Variants in ADAMTS17 observed in about 807,000 individuals in gnomAD.
ADAMTS17 encodes the protein A disintegrin and metalloproteinase with thrombospondin motifs 17.
In ADAMTS17, 113 loss-of-function variants were observed where a neutral mutation model predicts 141.5. The observed-to-expected ratio is 0.80, with a 90% CI of 0.69 to 0.93. The LOEUF is 0.93. Ranked by LOEUF, ADAMTS17 falls within the 40% of genes least tolerant of loss-of-function variation. The pLI is 0.00. For missense variants in ADAMTS17, 1,659 were observed against 1,517.9 expected (o/e 1.09, Z -1.54); for synonymous variants, 768 against 630.6 (o/e 1.22, Z -3.27).
chr15:100,288,444 A>G (rs568548281), intron 3 of ADAMTS17, among the ~76,000 whole-genome samples: 1 of 152,338 alleles, frequency 6.6e-6, no homozygotes, highest in South Asian at 2.1e-4. Context: ...TACTGACAGT[A>G]TTACATAGAT....
intron 12 of ADAMTS17, 38 bp from the exon 13 acceptor site, chr15:100,117,051 G>A (rs754353635): frequency 1.3e-6 from 2 of 1,565,408 alleles, no homozygotes; most frequent in African/African-American, 1.4e-5. Flanking sequence ...ACCAGGTGGT[G>A]CGACCAAAGG....
chr15:100,054,092 G>A, intron 15 of ADAMTS17, 38 bp from the exon 16 acceptor site: 1 of 1,613,296 alleles, frequency 6.2e-7, no homozygotes, highest in South Asian at 1.1e-5. Flanking sequence ...TCAAGGGGCT[G>A]GGGGTAGGGG....
chr15:100,306,571 T>C (rs778775049), intron 3 of ADAMTS17: 11 of 455,930 alleles, frequency 2.4e-5, no homozygotes, highest in Non-Finnish European at 4.0e-5. Context: ...GCCCAGACAC[T>C]GTGGAACTGA....
chr15:99,981,558 G>A (rs2060482373), intron 20 of ADAMTS17, among the ~76,000 whole-genome samples: 1 of 152,224 alleles, frequency 6.6e-6, no homozygotes, highest in East Asian at 1.9e-4. Flanking sequence ...TAACTGCCTG[G>A]AGCTGTGTCT....
intron 3 of ADAMTS17, among the ~76,000 whole-genome samples, chr15:100,300,001 A>G (rs1043485102): frequency 1.3e-5 from 2 of 152,224 alleles, no homozygotes; most frequent in African/African-American, 4.8e-5. Context: ...TAAGTTAATG[A>G]CAGAATGAAG....
intron 8 of ADAMTS17, among the ~76,000 whole-genome samples, chr15:100,183,305 G>A (rs1297640948): frequency 2.6e-5 from 4 of 152,130 alleles, no homozygotes; most frequent in African/African-American, 9.7e-5. Flanking sequence ...CCTGATACAA[G>A]CTTATATCTT....
At chr15:100,310,570 C>T (rs1307412412) in intron 3 of ADAMTS17, among the ~76,000 whole-genome samples, 1 of 152,200 alleles carries the variant, frequency 6.6e-6, no homozygotes, top group Non-Finnish European at 1.5e-5. Context: ...GCACAGGGTG[C>T]AGTGTGGACA....
At chr15:100,016,219 T>C (rs1181212654) in intron 18 of ADAMTS17, among the ~76,000 whole-genome samples, 2 of 152,234 alleles carry the variant, frequency 1.3e-5, no homozygotes, top group African/African-American at 4.8e-5. Flanking sequence ...GTTTTGATTG[T>C]TTTTTCTTTA....
Position 100,184,811 on chromosome 15 carries a change from T to C in ADAMTS17, c.1181+14507A>G, listed in dbSNP as rs141268026. Among the ~76,000 whole-genome samples, 383 of 152,108 alleles carry C rather than the reference T, an allele frequency of 2.5e-3. 1 individual carries two copies. Among genetic ancestry groups the C allele is most frequent in the Non-Finnish European group, 4.7e-3 (323 of 68,020 alleles). ...TAGCCCCCTGTCACAGCCCCTCTCT[T>C]CTGGGGGCCCTTCCAGAGCTCTGGG... On this transcript the variant is annotated intron_variant, in intron 8 of 21. Transcript: ENST00000268070.
At chr15:100,205,115 A>G (rs927628833) in intron 7 of ADAMTS17, among the ~76,000 whole-genome samples, 2 of 152,126 alleles carry the variant, frequency 1.3e-5, no homozygotes, top group African/African-American at 4.8e-5. Flanking sequence ...TAGGACACAG[A>G]TGTCCTTGGC....
chr15:100,297,722 T>A (rs1284514883), intron 3 of ADAMTS17, among the ~76,000 whole-genome samples: 1 of 152,110 alleles, frequency 6.6e-6, no homozygotes, highest in East Asian at 1.9e-4. Flanking sequence ...CTGCTGGCTG[T>A]GCGGATTTGG....
chr15:100,098,042 A>C (rs375115511), intron 14 of ADAMTS17, among the ~76,000 whole-genome samples: 1 of 152,362 alleles, frequency 6.6e-6, no homozygotes, highest in East Asian at 1.9e-4. Context: ...GCTTGAATAA[A>C]AGATCAAACT....
At chr15:100,237,474 G>A (rs924147792) in intron 7 of ADAMTS17, among the ~76,000 whole-genome samples, 1 of 152,194 alleles carries the variant, frequency 6.6e-6, no homozygotes, top group African/African-American at 2.4e-5. Flanking sequence ...TGGGCATGAT[G>A]TCCTGGGGCA....
chr15:100,153,423 T>C (rs1555464658), intron 9 of ADAMTS17, among the ~76,000 whole-genome samples: 8 of 151,650 alleles, frequency 5.3e-5, no homozygotes, highest in South Asian at 2.1e-4. Flanking sequence ...GGTGGATCAC[T>C]TGAGGTCAGG....
chr15:100,269,127 C>T (rs12914205), intron 4 of ADAMTS17, among the ~76,000 whole-genome samples: 17,551 of 152,170 alleles, frequency 0.12, 1,108 homozygotes, highest in Non-Finnish European at 0.14. Flanking sequence ...CAAAAATGAA[C>T]TCAAGATGGA....
intron 3 of ADAMTS17, among the ~76,000 whole-genome samples, chr15:100,298,378 G>C (rs1014096851): frequency 6.6e-6 from 1 of 152,128 alleles, no homozygotes; most frequent in Non-Finnish European, 1.5e-5. Flanking sequence ...ACTGGGAAAG[G>C]ACAACTGTCG....
At chr15:100,298,240 G>T (rs1025049954) in intron 3 of ADAMTS17, among the ~76,000 whole-genome samples, 1 of 152,144 alleles carries the variant, frequency 6.6e-6, no homozygotes, top group African/African-American at 2.4e-5. Flanking sequence ...AACATAAAAT[G>T]AAGAAACCCA....
At chr15:100,185,379 G>A (rs1174831948) in intron 8 of ADAMTS17, among the ~76,000 whole-genome samples, 2 of 152,122 alleles carry the variant, frequency 1.3e-5, no homozygotes, top group African/African-American at 4.8e-5. Flanking sequence ...CTACACCTGT[G>A]AACCCACAGT....
In ADAMTS17 at chr15:99,976,320, T is replaced by TG. The variant is rs202199473; in HGVS notation, c.2950-99dup. ...CACTGCGGAGACAGGACAGCCTGAG[T>TG]GGGGGCCTACACGAGGTCAGGGGGC... On this transcript the variant is annotated intron_variant, in intron 20 of 21. Transcript: ENST00000268070. 5 of 1,441,076 alleles carry TG rather than the reference T, an allele frequency of 3.5e-6. No individual in the cohort carries two copies. The East Asian group carries it at 1.2e-4, about 36-fold the overall frequency. 89.3% of individuals were successfully genotyped at this position (1,441,076 alleles called of 1,614,324 possible).
Sources: gnomAD v4.1 joint callset for allele counts (sites outside exome capture counted in the v4.1 genomes callset) on GRCh38, gnomAD v4.1.1 for gene constraint, MANE v1.5 for transcripts, NCBI Gene and HGNC (gene_info 2026-07-23, HGNC 2026-07-21) for gene names.